CD33: variants seen among roughly 807,000 people sequenced by gnomAD.
The protein encoded by CD33 is CD33 molecule.
CD33 carries 25 observed loss-of-function variants against 31.4 expected under a neutral mutation model. The ratio of observed to expected loss-of-function variants is 0.80; its 90% CI spans 0.58 to 1.11. CD33 has a LOEUF of 1.11. Ranked by LOEUF, CD33 falls within the 50% of genes most tolerant of loss-of-function variation. The probability of loss-of-function intolerance (pLI) is 0.00; values close to 1 mark genes in which losing one functional copy is unlikely to be tolerated. For missense variants in CD33, 407 were observed against 448.1 expected, an observed-to-expected ratio of 0.91 and a Z score of 0.83; for synonymous variants, 176 against 180.6, an observed-to-expected ratio of 0.97 and a Z score of 0.20.
At chr19:51,219,259 A>T in the CD33 span, among the ~76,000 whole-genome samples, 4 of 152,268 alleles carry the variant, frequency 2.6e-5, no homozygotes, top group African/African-American at 9.6e-5. Context: ...GGTTAAATAT[A>T]TTCCTAGGTA....
At chr19:51,235,972 C>A (rs146995981) in intron 6 of CD33, 3 of 663,786 alleles carry the variant, frequency 4.5e-6, no homozygotes, top group East Asian at 2.8e-5. Flanking sequence ...TCCTGGCTAA[C>A]ATGGTGAAAC....
chr19:51,230,234 G>C (rs960506768), intron 4 of CD33, among the ~76,000 whole-genome samples: 2 of 5,384 alleles, frequency 3.7e-4, no homozygotes, highest in African/African-American at 1.5e-3. Flanking sequence ...TAAGATACTT[G>C]ATACATTTTG....
chr19:51,219,193 A>T, the CD33 span, among the ~76,000 whole-genome samples: 1 of 152,120 alleles, frequency 6.6e-6, no homozygotes, highest in Non-Finnish European at 1.5e-5. Context: ...TGTGTCATCT[A>T]CAACTTATTT....
intron 5 of CD33, 44 bp downstream of exon 5, chr19:51,235,297 G>A: frequency 6.4e-7 from 1 of 1,556,878 alleles, no homozygotes; most frequent in Non-Finnish European, 8.9e-7. Context: ...AGGTGAAGAG[G>A]ATGGACCTGG....
At chr19:51,217,379 CTTTT>C in the CD33 span, among the ~76,000 whole-genome samples, 1 of 151,354 alleles carries the variant, frequency 6.6e-6, no homozygotes, top group Non-Finnish European at 1.5e-5. Context: ...ACTCCAATGT[CTTTT>C]TTGTTTTTGT....
chr19:51,231,264 G>C (rs1981384780), intron 4 of CD33, among the ~76,000 whole-genome samples: 1 of 152,124 alleles, frequency 6.6e-6, no homozygotes, highest in South Asian at 2.1e-4. Flanking sequence ...AAATAGTGTG[G>C]GCTCCCAGAG....
chr19:51,228,668 TTTTTGTTTTGTTTTG>T (rs143779270), intron 4 of CD33, among the ~76,000 whole-genome samples: 2 of 150,954 alleles, frequency 1.3e-5, no homozygotes, highest in Admixed American at 6.6e-5. Flanking sequence ...AGTCTTTAGG[TTTTTGTTTTGTTTTG>T]TTTTGTTTTG....
At position 51,230,967 on chromosome 19, in the gene CD33, G is replaced by A. The variant is rs552214210; in HGVS notation, c.746-4190G>A. Among the ~76,000 whole-genome samples, 451 of 152,260 alleles carry A rather than the reference G, an allele frequency of 3.0e-3. 1 individual carries two copies. Among genetic ancestry groups the A allele is most frequent in the African/African-American group, 0.011 (439 of 41,544 alleles). ...CTAAGCCCAGGGCATAAAACCCCTC[G>A]TGGCTTGGAAAGAATCCAGGGCTCT... On this transcript the variant is annotated intron_variant, in intron 4 of 6. Transcript: ENST00000262262.
Position 51,225,852 on chromosome 19 carries a change from C to T in CD33, c.468C>T (p.Gly156=). ...KILIPGTLEP[G]HSKNLTCSVS... is the part of the protein sequence containing the mutation. ...TCATCCCTGGCACTCTAGAACCCGG[C>T]CACTCCAAAAACCTGACCTGCTCTG... The change falls in exon 3 of 7, where the codon GGC becomes GGT. Residue 156 remains glycine, a synonymous_variant. Transcript: ENST00000262262. 2 of 1,608,400 alleles carry T rather than the reference C, an allele frequency of 1.2e-6. No individual in the cohort carries two copies. Among genetic ancestry groups the T allele is most frequent in the Non-Finnish European group, 1.7e-6 (2 of 1,175,634 alleles).
intron 4 of CD33, among the ~76,000 whole-genome samples, chr19:51,229,156 G>T (rs1246144975): frequency 6.6e-6 from 1 of 152,026 alleles, no homozygotes; most frequent in Non-Finnish European, 1.5e-5. Flanking sequence ...GTGATCATAC[G>T]GTTTATGTCC....
chr19:51,211,692 C>T, the CD33 span: 1 of 917,962 alleles, frequency 1.1e-6, no homozygotes, highest in Non-Finnish European at 1.7e-6. Context: ...GGAATGAAGC[C>T]TGTCAGACTC....
the CD33 span, among the ~76,000 whole-genome samples, chr19:51,213,508 TG>T: frequency 1.3e-5 from 2 of 152,204 alleles, no homozygotes; most frequent in Non-Finnish European, 2.9e-5. Context: ...TCTTTTCTTT[TG>T]TTTTGTTTTT....
intron 4 of CD33, among the ~76,000 whole-genome samples, chr19:51,231,375 G>A (rs1414073241): frequency 1.3e-5 from 2 of 152,232 alleles, no homozygotes; most frequent in Admixed American, 6.5e-5. Flanking sequence ...GCTGGACTTC[G>A]TGGCCCCCAC....
chr19:51,211,289 C>A, the CD33 span: 1 of 1,572,340 alleles, frequency 6.4e-7, no homozygotes, highest in Non-Finnish European at 8.7e-7. Flanking sequence ...GTCCTCGTGC[C>A]CTGCACTTTC....
chr19:51,211,892 G>GC, the CD33 span: 1 of 1,440,022 alleles, frequency 6.9e-7, no homozygotes, highest in Non-Finnish European at 9.7e-7. Context: ...AGCAGGGGAC[G>GC]CCCCCCATCT....
At chr19:51,214,478 G>A in the CD33 span, among the ~76,000 whole-genome samples, 5 of 152,166 alleles carry the variant, frequency 3.3e-5, no homozygotes, top group African/African-American at 1.2e-4. Flanking sequence ...TTACAGGCGT[G>A]AGCCACTGTG....
At chr19:51,220,700 T>G (rs1980646898), upstream of CD33, among the ~76,000 whole-genome samples, 1 of 152,224 alleles carries the variant, frequency 6.6e-6, no homozygotes. Context: ...CCCAGTTTTC[T>G]TTGGGGGTCA....
At chr19:51,234,207 C>T (rs1981620844) in intron 4 of CD33, among the ~76,000 whole-genome samples, 1 of 152,116 alleles carries the variant, frequency 6.6e-6, no homozygotes, top group Non-Finnish European at 1.5e-5. Context: ...TACCCTTACA[C>T]ATAGTTTCCC....
the CD33 span, among the ~76,000 whole-genome samples, chr19:51,215,591 G>A: frequency 6.6e-6 from 1 of 152,078 alleles, no homozygotes; most frequent in African/African-American, 2.4e-5. Context: ...CTCCAATATC[G>A]TGCTGGATGA....
Sources: gnomAD v4.1 joint callset for allele counts (sites outside exome capture counted in the v4.1 genomes callset) on GRCh38, gnomAD v4.1.1 for gene constraint, MANE v1.5 for transcripts, NCBI Gene and HGNC (gene_info 2026-07-23, HGNC 2026-07-21) for gene names.